The following NACC1 variants were observed in gnomAD, a reference collection of about 807,000 sequenced individuals.
NACC1 encodes the protein nucleus accumbens associated 1.
Under a neutral mutation model 41.7 loss-of-function variants are expected in NACC1, and 6 were observed. The ratio of observed to expected loss-of-function variants is 0.14; its 90% confidence interval spans 0.08 to 0.28. The LOEUF (loss-of-function observed/expected upper bound fraction) is 0.28, where lower values mean the gene tolerates loss of function less well. NACC1 is among the 10% of genes least tolerant of loss of function. The pLI, the probability that NACC1 is intolerant of heterozygous loss-of-function variation, is 1.00. For missense variants in NACC1, 434 were observed against 763.7 expected, an observed-to-expected ratio of 0.57 and a Z score of 5.09; for synonymous variants, 338 against 330.6, an observed-to-expected ratio of 1.02 and a Z score of -0.24.
At chr19:13,121,476 T>G (rs1298801354) in intron 1 of NACC1, among the ~76,000 whole-genome samples, 2 of 152,124 alleles carry the variant, frequency 1.3e-5, no homozygotes, top group East Asian at 1.9e-4. Flanking sequence ...AAATCTGGCC[T>G]CCTGGCCGGG....
Position 13,135,420 on chromosome 19 carries a change from G to T in NACC1, c.213G>T (p.Ala71=), listed in dbSNP as rs76970081. 1 of 1,613,060 alleles carries T rather than the reference G, an allele frequency of 6.2e-7. No individual in the cohort carries two copies. Among genetic ancestry groups the T allele is most frequent in the East Asian group, 2.2e-5 (1 of 44,872 alleles). ...GCAGCGCCGTGGTGGAGCTGCCGGC[G>T]GCTGTGCAGCCCCAGTCTTTCCAGC... The part of the protein sequence containing the change: ...NSRSAVVELP[A]AVQPQSFQQI... The change falls in exon 2 of 6, where the codon GCG becomes GCT. Residue 71 remains alanine (A), a synonymous_variant. Coordinates refer to ENST00000292431, the MANE Select transcript of NACC1 (RefSeq NM_052876.4).
At chr19:13,128,092 A>G (rs575687555) in intron 1 of NACC1, among the ~76,000 whole-genome samples, 20 of 152,310 alleles carry the variant, frequency 1.3e-4, no homozygotes, top group African/African-American at 4.8e-4. Flanking sequence ...AAGCTACGGC[A>G]TTCACAGGTT....
At chr19:13,128,222 T>G (rs1256615689) in intron 1 of NACC1, among the ~76,000 whole-genome samples, 2 of 152,142 alleles carry the variant, frequency 1.3e-5, no homozygotes, top group African/African-American at 4.8e-5. Context: ...CATCAGTGAA[T>G]AGATGGTGCT....
At chr19:13,121,555 GGTCTATTGAAGGA>G (rs1232724900) in intron 1 of NACC1, among the ~76,000 whole-genome samples, 4 of 152,174 alleles carry the variant, frequency 2.6e-5, no homozygotes, top group Non-Finnish European at 2.9e-5. Flanking sequence ...AGCCTTACAG[GGTCTATTGAAGGA>G]GTCTGCCTGG....
chr19:13,119,419 A>T lies in NACC1; in HGVS notation c.-9+965A>T, dbSNP rs550035713. Among the ~76,000 whole-genome samples the T allele has an allele frequency of 2.6e-5, 4 of 152,276 alleles. No individual in the cohort carries two copies. In the East Asian group the frequency reaches 7.7e-4, roughly 29 times the overall value. On this transcript the variant is annotated intron_variant, in intron 1 of 5. Transcript: ENST00000292431. ...AACACCTAGCTTAGGCATCTTGTTT[A>T]TCACAAGGTGGCCCTTGCCCACCCC...
rs1259432083 is a variant in NACC1, at chr19:13,118,426, G to A, written c.-37G>A. 1 of 149,166 alleles carries A rather than the reference G, an allele frequency of 6.7e-6. No individual in the cohort carries two copies. The highest frequency in any genetic ancestry group is 1.5e-5 in the Non-Finnish European group (1 of 67,130). 9.2% of individuals were successfully genotyped at this position (149,166 alleles called of 1,614,324 possible). On this transcript the variant is annotated 5_prime_UTR_variant, in exon 1 of 6. Coordinates refer to ENST00000292431, the MANE Select transcript of NACC1 (RefSeq NM_052876.4). ...CCAGCCGCCGCTGCGGAGCCCGCCG[G>A]GACCCCCCGGAGCGCGGCCACGGCG...
intron 1 of NACC1, among the ~76,000 whole-genome samples, chr19:13,118,895 G>A (rs2019449919): frequency 6.7e-6 from 1 of 150,224 alleles, no homozygotes; most frequent in Non-Finnish European, 1.5e-5. Context: ...GGCCGGGCCT[G>A]CAGGTACCGC....
intron 1 of NACC1, among the ~76,000 whole-genome samples, chr19:13,129,222 G>C (rs1330808855): frequency 6.6e-6 from 1 of 152,108 alleles, no homozygotes; most frequent in African/African-American, 2.4e-5. Context: ...CTTAGGTGGG[G>C]ATTTGGTGGG....
At chr19:13,129,206 G>A (rs2019600604) in intron 1 of NACC1, among the ~76,000 whole-genome samples, 1 of 152,156 alleles carries the variant, frequency 6.6e-6, no homozygotes, top group East Asian at 1.9e-4. Flanking sequence ...GTGTGTTTGA[G>A]CCTGACTTAG....
chr19:13,133,967 T>C (rs1433923898), intron 1 of NACC1, among the ~76,000 whole-genome samples: 1 of 152,194 alleles, frequency 6.6e-6, no homozygotes, highest in African/African-American at 2.4e-5. Flanking sequence ...TGTGAGATGG[T>C]GTCTCATTGT....
intron 1 of NACC1, among the ~76,000 whole-genome samples, chr19:13,132,993 G>A (rs920963518): frequency 4.6e-5 from 7 of 152,134 alleles, no homozygotes; most frequent in Admixed American, 1.3e-4. Context: ...CCTTTCAGAC[G>A]GAACGGGTGT....
At chr19:13,134,148 G>A (rs2145622018) in intron 1 of NACC1, among the ~76,000 whole-genome samples, 1 of 152,056 alleles carries the variant, frequency 6.6e-6, no homozygotes, top group African/African-American at 2.4e-5. Flanking sequence ...CTTGACCTGG[G>A]CTCAACAACA....
chr19:13,135,775 CAGA>C lies in NACC1; in HGVS notation c.571_573del (p.Lys191del). 4 of 1,559,650 alleles carry C rather than the reference CAGA, an allele frequency of 2.6e-6. No homozygotes were observed. The highest frequency in any genetic ancestry group is 3.5e-6 in the Non-Finnish European group (4 of 1,153,360). ...GGCCAAGCGGCTGTGGGACAGTGGC[CAGA>C]AGGAGGCTGGGGGCGGCGGCAATGG... On this transcript the variant is annotated inframe_deletion, in exon 2 of 6. Transcript: ENST00000292431.
chr19:13,130,535 CTTTT>C (rs34032574), intron 1 of NACC1, among the ~76,000 whole-genome samples: 3 of 128,610 alleles, frequency 2.3e-5, no homozygotes, highest in Non-Finnish European at 3.3e-5. Context: ...TTTTTCTTTT[CTTTT>C]TTTTTTTTTT....
chr19:13,127,435 G>A (rs1397277622), intron 1 of NACC1, among the ~76,000 whole-genome samples: 3 of 114,504 alleles, frequency 2.6e-5, no homozygotes, highest in Admixed American at 1.3e-4. Context: ...CGTGGCTCAC[G>A]CCTGTAATCC....
chr19:13,129,531 CTG>C (rs2019605497), intron 1 of NACC1, among the ~76,000 whole-genome samples: 1 of 152,210 alleles, frequency 6.6e-6, no homozygotes, highest in African/African-American at 2.4e-5. Context: ...CCTGTCCACT[CTG>C]TGCGGGGGCC....
chr19:13,134,378 CTTT>C (rs77002203), intron 1 of NACC1, among the ~76,000 whole-genome samples: 1 of 144,282 alleles, frequency 6.9e-6, no homozygotes, highest in Non-Finnish European at 1.5e-5. Flanking sequence ...TTTCTTTTTC[CTTT>C]TTTTTTTTTG....
At chr19:13,119,010 G>T (rs183937674) in intron 1 of NACC1, among the ~76,000 whole-genome samples, 4 of 151,712 alleles carry the variant, frequency 2.6e-5, no homozygotes, top group Non-Finnish European at 5.9e-5. Flanking sequence ...TACTTCGTGT[G>T]GGGGCGGATA....
At position 13,135,768 on chromosome 19, in the gene NACC1, C is replaced by T. The variant is rs370306338; in HGVS notation, c.561C>T (p.Asp187=). 120 of 1,560,322 alleles carry T rather than the reference C, an allele frequency of 7.7e-5. No homozygotes were observed. Among genetic ancestry groups the T allele is most frequent in the Middle Eastern group, 1.7e-4 (1 of 5,896 alleles). ...TGCCCGTGGCCAAGCGGCTGTGGGA[C>T]AGTGGCCAGAAGGAGGCTGGGGGCG... is the stretch of plus-strand genomic sequence containing the variant. The part of the protein sequence containing the change: ...QCMPVAKRLW[D]SGQKEAGGGG... Residue 187 remains aspartate, a synonymous_variant, in exon 2 of 6, where the codon GAC becomes GAT. Coordinates refer to ENST00000292431, the MANE Select transcript of NACC1 (RefSeq NM_052876.4).
Sources: allele counts gnomAD v4.1 joint callset (sites outside exome capture counted in the v4.1 genomes callset), GRCh38; gene constraint gnomAD v4.1.1; transcripts MANE v1.5; gene names NCBI Gene and HGNC (gene_info 2026-07-23, HGNC 2026-07-21).